Variants in ATP11B observed in about 807,000 individuals in gnomAD.
ATP11B encodes ATPase phospholipid transporting 11B (putative), also known as phospholipid-transporting ATPase IF.
A neutral mutation model predicts 157.8 loss-of-function variants in ATP11B; 81 were observed. The ratio of observed to expected loss-of-function variants is 0.51; its 90% CI spans 0.43 to 0.62. The LOEUF is 0.62. Among genes scored for constraint, ATP11B ranks in the 20% least tolerant of loss-of-function variants. ATP11B has a pLI of 0.00. For synonymous variants in ATP11B, 451 were observed against 469.4 expected (o/e 0.96, Z 0.51); for missense variants, 1,165 against 1,402.2 (o/e 0.83, Z 2.70).
At chr3:182,882,642 G>A (rs1343421637) in intron 21 of ATP11B, among the ~76,000 whole-genome samples, 9 of 152,136 alleles carry the variant, frequency 5.9e-5, no homozygotes, top group East Asian at 1.9e-4. Flanking sequence ...TGTTATTTGC[G>A]GTATGGAAGA....
chr3:182,892,566 CTT>C, intron 25 of ATP11B, among the ~76,000 whole-genome samples: 1 of 152,212 alleles, frequency 6.6e-6, no homozygotes, highest in African/African-American at 2.4e-5. Flanking sequence ...AAAGTTAAGA[CTT>C]TATCCCTTTT....
Position 182,872,386 on chromosome 3 carries a change from A to C in ATP11B, c.1897A>C (p.Arg633=). 1 of 1,613,052 alleles carries C rather than the reference A, an allele frequency of 6.2e-7. No homozygotes were observed. ...KGLRTLCIAY[R]KFTSKEYEEI... The stretch of plus-strand genomic sequence containing the variant: ...GCTAAGAACTCTGTGTATAGCATAT[A>C]GAAAATTTACATCAAAAGAGTATGA... Residue 633 remains arginine (R), a synonymous_variant, in exon 18 of 30, where the codon AGA becomes CGA. Coordinates refer to ENST00000323116, the MANE Select transcript of ATP11B (RefSeq NM_014616.3).
At chr3:182,888,622 G>A (rs1722957461) in intron 24 of ATP11B, among the ~76,000 whole-genome samples, 1 of 152,152 alleles carries the variant, frequency 6.6e-6, no homozygotes, top group Non-Finnish European at 1.5e-5. Context: ...CCAGGTTCAA[G>A]CAATCTTCCC....
intron 29 of ATP11B, 82 bp downstream of exon 29, chr3:182,914,076 A>T: frequency 6.4e-7 from 1 of 1,566,842 alleles, no homozygotes; most frequent in African/African-American, 1.4e-5. Flanking sequence ...TAGATACCTA[A>T]TAAATCAGCA....
At chr3:182,848,613 C>G (rs563982879) in intron 10 of ATP11B, 56 bp downstream of exon 10, 1 of 928,710 alleles carries the variant, frequency 1.1e-6, no homozygotes, top group Non-Finnish European at 1.5e-6. Flanking sequence ...ATTTTTTATT[C>G]GTTTGGTATA....
intron 1 of ATP11B, among the ~76,000 whole-genome samples, chr3:182,815,586 T>A (rs553737012): frequency 6.6e-6 from 1 of 152,308 alleles, no homozygotes; most frequent in East Asian, 1.9e-4. Context: ...ATTCTGTTCA[T>A]TTATTTTAAT....
chr3:182,838,093 G>A (rs1206093705), intron 7 of ATP11B, among the ~76,000 whole-genome samples: 1 of 151,886 alleles, frequency 6.6e-6, no homozygotes, highest in Non-Finnish European at 1.5e-5. Context: ...CCAAACTTAC[G>A]TATCTTTTTT....
intron 28 of ATP11B, among the ~76,000 whole-genome samples, chr3:182,901,702 C>A (rs1243045151): frequency 1.3e-5 from 2 of 152,154 alleles, no homozygotes; most frequent in African/African-American, 4.8e-5. Flanking sequence ...AATATCAGTT[C>A]TTGTTACCTT....
intron 7 of ATP11B, among the ~76,000 whole-genome samples, chr3:182,839,688 C>T (rs1191802630): frequency 6.6e-6 from 1 of 151,862 alleles, no homozygotes; most frequent in Non-Finnish European, 1.5e-5. Flanking sequence ...TAGCTCACTG[C>T]AACCCCCGGA....
At chr3:182,911,430 AT>A (rs1400375398) in intron 28 of ATP11B, among the ~76,000 whole-genome samples, 1 of 151,958 alleles carries the variant, frequency 6.6e-6, no homozygotes, top group African/African-American at 2.4e-5. Flanking sequence ...AGGAAGTGCT[AT>A]GGTAAAGGGG....
intron 10 of ATP11B, among the ~76,000 whole-genome samples, chr3:182,852,201 T>C (rs1720031922): frequency 6.6e-6 from 1 of 152,316 alleles, no homozygotes; most frequent in Admixed American, 6.5e-5. Context: ...CAAAGGAAAT[T>C]TAAATTTCTT....
intron 19 of ATP11B, among the ~76,000 whole-genome samples, chr3:182,874,993 A>G (rs941794107): frequency 6.6e-6 from 1 of 152,180 alleles, no homozygotes; most frequent in Admixed American, 6.5e-5. Context: ...TTGCATGACC[A>G]AACTGGGAAA....
intron 28 of ATP11B, among the ~76,000 whole-genome samples, 191 bp from the exon 29 acceptor site, chr3:182,913,670 A>T (rs184589001): frequency 6.6e-6 from 1 of 152,234 alleles, no homozygotes; most frequent in African/African-American, 2.4e-5. Context: ...TTTAGGATAC[A>T]AGGCTTTAAA....
In ATP11B at chr3:182,913,983, C is replaced by T; in HGVS notation, c.3441C>T (p.Thr1147=). Residue 1147 remains threonine (T), a synonymous_variant, in exon 29 of 30, where the codon ACC becomes ACT. Coordinates refer to ENST00000323116, the MANE Select transcript of ATP11B (RefSeq NM_014616.3). ...GAGTTATAGGAAGATGTAGTCCAAC[C>T]CACATCAGCAGGTGTGAAATCTCTC... ...LERVIGRCSP[T]HISRSWSASD... 6.2e-7 allele frequency: 1 copy of T among 1,613,994 alleles called. No homozygotes were observed. Among genetic ancestry groups the T allele is most frequent in the South Asian group, 1.1e-5 (1 of 91,084 alleles).
rs774553525 is a variant in ATP11B, at chr3:182,842,034, A to G, written c.657-41A>G. On this transcript the variant is annotated intron_variant, in intron 7 of 29. Transcript: ENST00000323116. ...GCAAAAAAACAGCCATTGATGTCAT[A>G]AGTGATATTATATGTTTTTGTAATG... 4.4e-6 allele frequency: 6 copies of G among 1,363,658 alleles called. No homozygotes were observed. In the African/African-American group the frequency reaches 5.8e-5, roughly 13 times the overall value. 84.5% of individuals were successfully genotyped at this position (1,363,658 alleles called of 1,614,324 possible).
intron 28 of ATP11B, among the ~76,000 whole-genome samples, chr3:182,901,594 A>C (rs1723972812): frequency 6.6e-6 from 1 of 152,208 alleles, no homozygotes; most frequent in Non-Finnish European, 1.5e-5. Flanking sequence ...ACCTGTAATC[A>C]GATTTATTTA....
In ATP11B at chr3:182,865,583, CA is replaced by C; in HGVS notation, c.1329del (p.Asp444ThrfsTer38). ...NGRLVPEGPT[P>X]DSSEGNLSYL... is the part of the protein sequence containing the mutation. ...AGACTTGTACCCGAAGGACCAACAC[CA>C]GACTCTTCAGAAGGAAACTTATCTT... On this transcript the variant is annotated frameshift_variant, in exon 13 of 30. Coordinates refer to ENST00000323116, the MANE Select transcript of ATP11B (RefSeq NM_014616.3). LOFTEE classifies it high-confidence loss of function. 1 of 1,613,828 alleles carries C rather than the reference CA, an allele frequency of 6.2e-7. No individual in the cohort carries two copies. The highest frequency in any genetic ancestry group is 8.5e-7 in the Non-Finnish European group (1 of 1,179,844).
At chr3:182,905,903 G>A (rs904025771) in intron 28 of ATP11B, 4 of 456,574 alleles carry the variant, frequency 8.8e-6, no homozygotes, top group South Asian at 4.6e-5. Context: ...CAGCAGGACA[G>A]TTGTTGCGTG....
chr3:182,844,625 C>T, intron 8 of ATP11B: 1 of 862,702 alleles, frequency 1.2e-6, no homozygotes, highest in African/African-American at 1.8e-5. Context: ...TGCGATCTTG[C>T]CTAGAAAAAG....
Sources: gnomAD v4.1 joint callset for allele counts (sites outside exome capture counted in the v4.1 genomes callset) on GRCh38, gnomAD v4.1.1 for gene constraint, MANE v1.5 for transcripts, NCBI Gene and HGNC (gene_info 2026-07-23, HGNC 2026-07-21) for gene names.